The following LDB2 variants were observed in gnomAD, a reference collection of about 807,000 sequenced individuals.
LDB2 encodes LIM domain binding 2, also known as LIM domain-binding protein 2.
A neutral mutation model predicts 44.3 loss-of-function variants in LDB2; 12 were observed. The observed-to-expected ratio is 0.27, with a 90% CI of 0.17 to 0.44. The LOEUF (loss-of-function observed/expected upper bound fraction) is 0.44. Among genes scored for constraint, LDB2 ranks in the 20% least tolerant of loss-of-function variants. The pLI, the probability that LDB2 is intolerant of heterozygous loss-of-function variation, is 1.00. For missense variants in LDB2, 344 were observed against 473.5 expected, an observed-to-expected ratio of 0.73 and a Z score of 2.54; for synonymous variants, 164 against 174.8, an observed-to-expected ratio of 0.94 and a Z score of 0.49.
At position 16,697,719 on chromosome 4, in the gene LDB2, C is replaced by A. The variant is rs147967841; in HGVS notation, c.235+61439G>T. On this transcript the variant is annotated intron_variant, in intron 2 of 7. Transcript: ENST00000304523. The stretch of plus-strand genomic sequence containing the variant: ...TGGTTCTCTCTGCTCTACAGGGAGG[C>A]TCCTCAATTCCCTTCCCTAGTGTTG... Among the ~76,000 whole-genome samples the A allele has an allele frequency of 1.0e-2, 1,516 of 152,282 alleles. 33 individuals are homozygous for A. The highest frequency in any genetic ancestry group is 0.035 in the African/African-American group (1,444 of 41,554).
intron 2 of LDB2, among the ~76,000 whole-genome samples, chr4:16,619,649 C>A (rs55759909): frequency 0.39 from 59,043 of 151,670 alleles, 11,635 homozygotes; most frequent in East Asian, 0.59. Context: ...TAAGCATGGC[C>A]TTGATAACCA....
At chr4:16,854,853 A>G (rs1789027153) in intron 1 of LDB2, among the ~76,000 whole-genome samples, 1 of 151,970 alleles carries the variant, frequency 6.6e-6, no homozygotes, top group African/African-American at 2.4e-5. Flanking sequence ...GCATTTTACT[A>G]CGTATGGATG....
chr4:16,616,375 C>T (rs1727340220), intron 2 of LDB2, among the ~76,000 whole-genome samples: 1 of 151,844 alleles, frequency 6.6e-6, no homozygotes, highest in Non-Finnish European at 1.5e-5. Flanking sequence ...GTGTTCAATA[C>T]ATAGGGAATA....
At chr4:16,604,416 A>G (rs1723366354) in intron 2 of LDB2, among the ~76,000 whole-genome samples, 1 of 150,560 alleles carries the variant, frequency 6.6e-6, no homozygotes, top group South Asian at 2.1e-4. Context: ...CTATATATAG[A>G]TTCTCCTTTC....
At chr4:16,819,961 C>T (rs974689964) in intron 1 of LDB2, among the ~76,000 whole-genome samples, 6 of 152,100 alleles carry the variant, frequency 3.9e-5, no homozygotes, top group Non-Finnish European at 8.8e-5. Flanking sequence ...TTTCTCCTCT[C>T]AAATCTAAAA....
At chr4:16,850,666 C>G (rs1339319124) in intron 1 of LDB2, among the ~76,000 whole-genome samples, 1 of 152,128 alleles carries the variant, frequency 6.6e-6, no homozygotes, top group Non-Finnish European at 1.5e-5. Context: ...TCCCTTTTAA[C>G]AATATCTTCT....
intron 5 of LDB2, among the ~76,000 whole-genome samples, chr4:16,522,092 C>A (rs1339852717): frequency 1.3e-5 from 2 of 152,044 alleles, no homozygotes; most frequent in African/African-American, 4.8e-5. Flanking sequence ...GGGTAACTAG[C>A]AGAAACAAGC....
chr4:16,750,981 G>T (rs796686667), intron 2 of LDB2: 1 of 152,254 alleles, frequency 6.6e-6, no homozygotes, highest in African/African-American at 2.4e-5. Context: ...CCACTATGGG[G>T]TAGTGTTGTT....
intron 1 of LDB2, among the ~76,000 whole-genome samples, chr4:16,835,851 G>A (rs1377581350): frequency 6.6e-6 from 1 of 152,134 alleles, no homozygotes; most frequent in Non-Finnish European, 1.5e-5. Context: ...TTTCCGAGGT[G>A]GGAACTCTCC....
At chr4:16,665,197 GGAA>G (rs1336308069) in intron 2 of LDB2, among the ~76,000 whole-genome samples, 1 of 151,970 alleles carries the variant, frequency 6.6e-6, no homozygotes, top group East Asian at 1.9e-4. Context: ...CACAGAGGAG[GGAA>G]GATCTAACTC....
At chr4:16,675,368 A>G (rs1746014490) in intron 2 of LDB2, among the ~76,000 whole-genome samples, 1 of 152,192 alleles carries the variant, frequency 6.6e-6, no homozygotes, top group Non-Finnish European at 1.5e-5. Context: ...ACTTCAATAT[A>G]AATCAAAATA....
At chr4:16,595,923 C>A (rs1306514129) in intron 2 of LDB2, 48 bp from the exon 3 acceptor site, 2 of 1,556,672 alleles carry the variant, frequency 1.3e-6, no homozygotes, top group African/African-American at 1.4e-5. Flanking sequence ...AATATCCCAC[C>A]AGCCCCACAC....
At position 16,554,617 on chromosome 4, in the gene LDB2, A is replaced by T. The variant is rs150762659; in HGVS notation, c.615+31305T>A. Among the ~76,000 whole-genome samples, 644 of 152,360 alleles carry T rather than the reference A, an allele frequency of 4.2e-3. 4 individuals are homozygous for T. The highest frequency in any genetic ancestry group is 0.015 in the African/African-American group (606 of 41,592). ...CTGAAAAGAAATGAGTGATCAAGCC[A>T]TGGAAAGACACGGAGGAACTGTAAA... On this transcript the variant is annotated intron_variant, in intron 5 of 7. Transcript: ENST00000304523.
intron 2 of LDB2, among the ~76,000 whole-genome samples, chr4:16,750,149 A>G (rs1765212482): frequency 6.6e-6 from 1 of 152,204 alleles, no homozygotes; most frequent in Non-Finnish European, 1.5e-5. Context: ...AGCACCTGAA[A>G]TCATCTCTTA....
At chr4:16,866,162 A>G (rs1219166818) in intron 1 of LDB2, among the ~76,000 whole-genome samples, 1 of 152,210 alleles carries the variant, frequency 6.6e-6, no homozygotes, top group Non-Finnish European at 1.5e-5. Flanking sequence ...CTTTCCGCGA[A>G]GTGCCATTTA....
At chr4:16,751,397 G>C (rs987421893) in intron 2 of LDB2, among the ~76,000 whole-genome samples, 6 of 152,128 alleles carry the variant, frequency 3.9e-5, no homozygotes, top group African/African-American at 1.4e-4. Context: ...GCGATCATTA[G>C]TGTGGTATTT....
At chr4:16,666,479 GGCTGCT>G (rs897052058) in intron 2 of LDB2, among the ~76,000 whole-genome samples, 6 of 152,212 alleles carry the variant, frequency 3.9e-5, no homozygotes, top group African/African-American at 1.4e-4. Context: ...GAAGGAACCA[GGCTGCT>G]GCTGCATGTG....
rs1193872960 is a variant in LDB2, at chr4:16,898,581, G to A, written c.-96C>T. 30 of 1,260,652 alleles carry A rather than the reference G, an allele frequency of 2.4e-5. No homozygotes were observed. The highest frequency in any genetic ancestry group is 2.9e-5 in the Non-Finnish European group (26 of 898,586). 78.1% of individuals were successfully genotyped at this position (1,260,652 alleles called of 1,614,324 possible). On this transcript the variant is annotated 5_prime_UTR_variant, in exon 1 of 8. Coordinates refer to ENST00000304523, the MANE Select transcript of LDB2 (RefSeq NM_001290.5). ...TCTTCCCAGTACAAAGTAGACGCAC[G>A]CACACACGCTCACACACACACAGAG... is the stretch of plus-strand genomic sequence containing the variant.
At chr4:16,642,238 C>T (rs1412284070) in intron 2 of LDB2, among the ~76,000 whole-genome samples, 1 of 152,128 alleles carries the variant, frequency 6.6e-6, no homozygotes, top group Non-Finnish European at 1.5e-5. Flanking sequence ...GCCTACATTA[C>T]TGAGCTAACT....
Sources: allele counts gnomAD v4.1 joint callset (sites outside exome capture counted in the v4.1 genomes callset), GRCh38; gene constraint gnomAD v4.1.1; transcripts MANE v1.5; gene names NCBI Gene and HGNC (gene_info 2026-07-23, HGNC 2026-07-21).